Variants in ISM2 observed in about 807,000 individuals in gnomAD.
ISM2 encodes the protein isthmin-2.
In ISM2, 50 loss-of-function variants were observed where a neutral mutation model predicts 58.0. The observed-to-expected ratio is 0.86, with a 90% confidence interval of 0.69 to 1.09. ISM2 has a LOEUF of 1.09. Ranked by LOEUF, ISM2 falls within the 50% of genes least tolerant of loss-of-function variation. ISM2 has a pLI of 0.00. For missense variants in ISM2, 723 were observed against 745.0 expected (o/e 0.97, Z 0.34); for synonymous variants, 303 against 312.4 (o/e 0.97, Z 0.32).
chr14:77,478,488 C>A (rs1392834934), intron 5 of ISM2, 87 bp downstream of exon 5: 1 of 1,542,350 alleles, frequency 6.5e-7, no homozygotes, highest in African/African-American at 1.4e-5. Context: ...CATCCCATCT[C>A]CCAAGCCCAC....
intron 6 of ISM2, 146 bp from the exon 7 acceptor site, chr14:77,476,258 TG>T: frequency 2.4e-6 from 2 of 819,872 alleles, no homozygotes; most frequent in Non-Finnish European, 3.7e-6. Flanking sequence ...GCCTTGGGGA[TG>T]GAGAGAGGCT....
At position 77,484,515 on chromosome 14, in the gene ISM2, T is replaced by A. The variant is rs1566755582; in HGVS notation, c.435A>T (p.Arg145=). 1 of 1,596,678 alleles carries A rather than the reference T, an allele frequency of 6.3e-7. No homozygotes were observed. The highest frequency in any genetic ancestry group is 1.7e-5 in the Admixed American group (1 of 58,564). The change falls in exon 3 of 7, where the codon CGA becomes CGT. Residue 145 remains arginine (R), a synonymous_variant. Coordinates refer to ENST00000342219, the MANE Select transcript of ISM2 (RefSeq NM_199296.3). The part of the protein sequence containing the change: ...PRPLREEEEA[R]LLPRTHLQAE... ...CCTGCAGGTGGGTTCTGGGGAGCAG[T>A]CGTGCCTCCTCCTCTTCCCTCAGAG... is the stretch of plus-strand genomic sequence containing the variant.
In ISM2 at chr14:77,476,126, C is replaced by A. The variant is rs1441260671; in HGVS notation, c.1199-14G>T. 4 of 1,509,666 alleles carry A rather than the reference C, an allele frequency of 2.6e-6. No homozygotes were observed. The highest frequency in any genetic ancestry group is 3.5e-6 in the Non-Finnish European group (4 of 1,134,320). 93.5% of individuals were successfully genotyped at this position (1,509,666 alleles called of 1,614,324 possible). On this transcript the variant is annotated splice_polypyrimidine_tract_variant and intron_variant, in intron 6 of 6. Transcript: ENST00000342219. ...AGCTGTCCACATCTGCAAAGGGCCA[C>A]AAAGTGCAGGAGGGAAGCCAGTGAC...
intron 1 of ISM2, 141 bp from the exon 2 acceptor site, chr14:77,485,060 T>C (rs749515910): frequency 1.1e-6 from 1 of 870,560 alleles, no homozygotes; most frequent in Non-Finnish European, 1.8e-6. Flanking sequence ...CTCTCTGGAG[T>C]GTGTATCTGT....
chr14:77,491,520 C>G (rs2079204122), intron 1 of ISM2, among the ~76,000 whole-genome samples: 1 of 152,110 alleles, frequency 6.6e-6, no homozygotes. Context: ...TCCCAAGTAG[C>G]TGGGATTACA....
intron 1 of ISM2, among the ~76,000 whole-genome samples, chr14:77,485,372 C>T (rs963207320): frequency 6.6e-6 from 1 of 152,240 alleles, no homozygotes; most frequent in Non-Finnish European, 1.5e-5. Context: ...AGGCCTTGGC[C>T]TTTCCCCTCA....
intron 1 of ISM2, among the ~76,000 whole-genome samples, chr14:77,497,748 AG>A (rs1566760520): frequency 1.6e-4 from 9 of 55,546 alleles, no homozygotes; most frequent in East Asian, 5.0e-4. Flanking sequence ...GGAGGGAGGG[AG>A]GGAGGGAGGG....
intron 2 of ISM2, 25 bp from the exon 3 acceptor site, chr14:77,484,590 G>A: frequency 6.2e-7 from 1 of 1,606,248 alleles, no homozygotes; most frequent in Non-Finnish European, 8.5e-7. Context: ...GGGAAGGTGA[G>A]GTGACAGGTT....
chr14:77,487,079 T>G (rs553840968), intron 1 of ISM2, among the ~76,000 whole-genome samples: 3 of 151,142 alleles, frequency 2.0e-5, no homozygotes, highest in African/African-American at 7.3e-5. Context: ...CTGTCCCTAC[T>G]AAAAATACAA....
At position 77,475,666 on chromosome 14, in the gene ISM2, C is replaced by T. The variant is rs373723599; in HGVS notation, c.1645G>A (p.Gly549Ser). 85 of 1,613,538 alleles carry T rather than the reference C, an allele frequency of 5.3e-5. 1 individual carries two copies. The highest frequency in any genetic ancestry group is 1.9e-4 in the South Asian group (17 of 91,004). The change falls in exon 7 of 7, where the codon GGC becomes AGC. Residue 549 changes from glycine (G) to serine (S), a missense_variant. Transcript: ENST00000342219. This position sits in a 1 kb window ranked among gnomAD's most constrained non-coding sequence, Gnocchi z 4.1. ...AGGGGGTTGTCGGTGCAGGCTCGGC[C>T]GTTGTTGGGAGGGAGCACAGCGTGG... ...RLHAVLPPNN[G>S]RACTDNPLEE...
rs2079085692 is a variant in ISM2 at position 77,474,743 on chromosome 14, G to A, written c.*852C>T. On this transcript the variant is annotated 3_prime_UTR_variant, in exon 7 of 7. Transcript: ENST00000342219. Reference sequence around the variant, plus strand: ...GCTTTTTTCCCCTCCCAGAGAACTGGTTTACTATAGACGTGTGACACACCG... The same window carrying A: ...GCTTTTTTCCCCTCCCAGAGAACTGATTTACTATAGACGTGTGACACACCG... 2.0e-5 allele frequency: 3 copies of A among 152,216 alleles called. No individual in the cohort carries two copies. The highest frequency in any genetic ancestry group is 2.0e-4 in the Admixed American group (3 of 15,268). 9.4% of individuals were successfully genotyped at this position (152,216 alleles called of 1,614,324 possible). A position where few individuals can be genotyped will look rare whatever the true frequency, so the allele number is the denominator to read the frequency against.
rs951139204 is a variant in ISM2 at position 77,478,399 on chromosome 14, C to T, written c.1115-74G>A. 2.0e-6 allele frequency: 3 copies of T among 1,465,868 alleles called. No homozygotes were observed. The Admixed American group carries it at 5.2e-5, about 25-fold the overall frequency. 90.8% of individuals were successfully genotyped at this position (1,465,868 alleles called of 1,614,324 possible). On this transcript the variant is annotated intron_variant, in intron 5 of 6. Transcript: ENST00000342219. ...TGCCGCTGATGGGGAAACCCCCCCA[C>T]CTCAATAGGCTCTCAGTGCCCACAG...
Position 77,475,440 on chromosome 14 carries a change from G to A in ISM2, c.*155C>T. On this transcript the variant is annotated 3_prime_UTR_variant, in exon 7 of 7. Transcript: ENST00000342219. The surrounding 1 kb of genome is among the most constrained non-coding windows in gnomAD (Gnocchi z 4.1). ...TAACCCCACTGAGATATCTGCTTCG[G>A]GGTCGCTGGCAGAGGGCACACAGCC... is the stretch of plus-strand genomic sequence containing the variant. The A allele has an allele frequency of 1.5e-6, 1 of 674,210 alleles. No individual in the cohort carries two copies. Among genetic ancestry groups the A allele is most frequent in the Non-Finnish European group, 2.4e-6 (1 of 413,468 alleles). 41.8% of individuals were successfully genotyped at this position (674,210 alleles called of 1,614,324 possible).
chr14:77,483,456 G>C (rs2079145440), intron 3 of ISM2, among the ~76,000 whole-genome samples: 1 of 149,228 alleles, frequency 6.7e-6, no homozygotes, highest in African/African-American at 2.5e-5. Flanking sequence ...CCTGAGGCAG[G>C]AAAATTTATT....
chr14:77,485,918 C>G (rs892606277), intron 1 of ISM2, among the ~76,000 whole-genome samples: 5 of 152,358 alleles, frequency 3.3e-5, no homozygotes, highest in Middle Eastern at 3.4e-3. Context: ...ACAATATCCT[C>G]GTCTGCAGAA....
intron 3 of ISM2, 21 bp from the exon 4 acceptor site, chr14:77,482,688 CG>C: frequency 6.8e-7 from 1 of 1,468,802 alleles, no homozygotes; most frequent in Non-Finnish European, 9.1e-7. Flanking sequence ...CAGGCCAGGC[CG>C]GCCAGTGAAG....
chr14:77,498,189 A>G, intron 1 of ISM2: 2 of 1,209,780 alleles, frequency 1.7e-6, no homozygotes, highest in Non-Finnish European at 2.1e-6. Flanking sequence ...GGAGAGCCCC[A>G]CTGTGCCTCC....
rs753670035 is a variant in ISM2 at position 77,482,478 on chromosome 14, C to T, written c.817G>A (p.Glu273Lys). 18 of 1,614,164 alleles carry T rather than the reference C, an allele frequency of 1.1e-5. No individual in the cohort carries two copies. Among genetic ancestry groups the T allele is most frequent in the South Asian group, 8.8e-5 (8 of 91,080 alleles). Residue 273 changes from glutamate (E) to lysine (K), a missense_variant, in exon 4 of 7, where the codon GAG (glutamate) becomes AAG (lysine). Coordinates refer to ENST00000342219, the MANE Select transcript of ISM2 (RefSeq NM_199296.3). ...GEKGEEKEEDEDYPSEDIEGE... is the reference protein window; with the variant it reads ...GEKGEEKEEDKDYPSEDIEGE... ...TCGATATCCTCTGAAGGATAGTCCT[C>T]GTCTTCCTCCTTTTCCTCCCCCTTC...
In ISM2 at chr14:77,498,429, G is replaced by C. The variant is rs1013814491; in HGVS notation, c.141+224C>G. The C allele has an allele frequency of 4.1e-6, 5 of 1,221,708 alleles. No individual in the cohort carries two copies. In the African/African-American group the frequency reaches 7.7e-5, roughly 19 times the overall value. 75.7% of individuals were successfully genotyped at this position (1,221,708 alleles called of 1,614,324 possible). ...CAAACTTGTCACCCGGCTGGTCCGC[G>C]GCAGCCCGGCTCGCGGTCACGCGCG... On this transcript the variant is annotated intron_variant, in intron 1 of 6. Coordinates refer to ENST00000342219, the MANE Select transcript of ISM2 (RefSeq NM_199296.3).
Sources: allele counts gnomAD v4.1 joint callset (sites outside exome capture counted in the v4.1 genomes callset), GRCh38; gene constraint gnomAD v4.1.1; non-coding constraint Gnocchi (gnomAD v3.1); transcripts MANE v1.5; gene names NCBI Gene and HGNC (gene_info 2026-07-23, HGNC 2026-07-21).